ZNF726: variants seen among roughly 807,000 people sequenced by gnomAD.
The protein encoded by ZNF726 is zinc finger protein 726, also known as zinc finger protein 92 pseudogene 3.
A neutral mutation model predicts 11.6 loss-of-function variants in ZNF726; 15 were observed. The observed-to-expected ratio is 1.29, with a 90% confidence interval of 0.86 to 1.99. ZNF726 has a LOEUF of 1.99. Among genes scored for constraint, ZNF726 ranks in the 30% most tolerant of loss-of-function variants. ZNF726 has a pLI of 0.00. For missense variants in ZNF726, 890 were observed against 725.6 expected (o/e 1.23, Z -2.60); for synonymous variants, 295 against 243.6 (o/e 1.21, Z -1.96).
At chr19:23,915,120 G>T (rs1327139094) in intron 1 of ZNF726, 123 bp downstream of exon 1, 2 of 1,435,398 alleles carry the variant, frequency 1.4e-6, no homozygotes, top group South Asian at 1.2e-5. Context: ...CCGAGTTGTT[G>T]CCCAGCTCGG....
chr19:23,938,252 GC>G (rs1361425981), downstream of ZNF726, among the ~76,000 whole-genome samples: 1 of 151,920 alleles, frequency 6.6e-6, no homozygotes, highest in East Asian at 1.9e-4. Context: ...ATATGCTTAT[GC>G]CATATATGGC....
intron 1 of ZNF726, among the ~76,000 whole-genome samples, chr19:23,916,246 G>T (rs903623012): frequency 1.3e-5 from 2 of 152,040 alleles, no homozygotes; most frequent in African/African-American, 4.8e-5. Context: ...GTTGCCAAAT[G>T]CCAGTTTCTC....
At chr19:23,944,233 C>T (rs1056704287) in intron 4 of ZNF726, 2 of 151,956 alleles carry the variant, frequency 1.3e-5, no homozygotes, top group African/African-American at 4.8e-5. Context: ...TTATACTTGC[C>T]TTTGCTTTGA....
At chr19:23,919,153 T>C in intron 1 of ZNF726, 2 of 567,424 alleles carry the variant, frequency 3.5e-6, no homozygotes, top group Non-Finnish European at 5.6e-6. Context: ...AAAAGTATCA[T>C]ATATACACTG....
chr19:23,940,541 T>A (rs1269879363), intron 3 of ZNF726, among the ~76,000 whole-genome samples: 3 of 152,124 alleles, frequency 2.0e-5, no homozygotes. Flanking sequence ...ATGGTGGTAT[T>A]TTGAAGGGGA....
intron 3 of ZNF726, among the ~76,000 whole-genome samples, chr19:23,924,743 A>C (rs1240113694): frequency 6.6e-6 from 1 of 152,078 alleles, no homozygotes; most frequent in Non-Finnish European, 1.5e-5. Context: ...TTTTCTAAGA[A>C]ATAGCAAGGC....
At chr19:23,938,609 TC>T (rs1968286527), downstream of ZNF726, among the ~76,000 whole-genome samples, 6 of 146,432 alleles carry the variant, frequency 4.1e-5, no homozygotes, top group South Asian at 1.1e-3. Flanking sequence ...CTTTTTTTTT[TC>T]CTTTTTTTTT....
chr19:23,936,754 A>AT (rs1968239633), downstream of ZNF726, among the ~76,000 whole-genome samples: 2 of 149,370 alleles, frequency 1.3e-5, no homozygotes, highest in South Asian at 2.1e-4. Context: ...ATTTTAATTT[A>AT]TTTTTTATTT....
chr19:23,914,924 C>G lies in ZNF726; in HGVS notation c.-71C>G. The G allele has an allele frequency of 6.2e-7, 1 of 1,609,244 alleles. No homozygotes were observed. On this transcript the variant is annotated 5_prime_UTR_variant, in exon 1 of 4. Transcript: ENST00000594466. ...GCCGGAGCTCCAGGTCTCGTCCTCACTACTCTGTGTCTTCTGCTTTTAGGG... is the reference window on the plus strand; with the variant it reads ...GCCGGAGCTCCAGGTCTCGTCCTCAGTACTCTGTGTCTTCTGCTTTTAGGG...
Position 23,932,384 on chromosome 19 carries a change from G to A in ZNF726, c.268G>A (p.Gly90Ser). 3 of 1,505,270 alleles carry A rather than the reference G, an allele frequency of 2.0e-6. No homozygotes were observed. Among genetic ancestry groups the A allele is most frequent in the African/African-American group, 1.4e-5 (1 of 71,132 alleles). The allele number at this position is 1,505,270 out of a possible 1,614,324, so 93.2% of individuals were successfully genotyped here. A position where few individuals can be genotyped will look rare whatever the true frequency, so the allele number is the denominator to read the frequency against. The change falls in exon 4 of 4, where the codon GGC (glycine) becomes AGC (serine). Residue 90 changes from glycine to serine, a missense_variant. Physicochemically the swap from Gly to Ser is moderately conservative, Grantham distance 56. Coordinates refer to ENST00000594466, the MANE Select transcript of ZNF726 (RefSeq NM_001244038.2). ...TGCTCAAGACATTTGGCCAGAGCAG[G>A]GCGTGGAAGATTCTTTTCAAAAAGT... ...HFAQDIWPEQ[G>S]VEDSFQKVIL... is the part of the protein sequence containing the mutation.
At position 23,932,756 on chromosome 19, in the gene ZNF726, T is replaced by C; in HGVS notation, c.640T>C (p.Ser214Pro). The C allele has an allele frequency of 6.2e-7, 1 of 1,612,988 alleles. No individual in the cohort carries two copies. Among genetic ancestry groups the C allele is most frequent in the Non-Finnish European group, 8.5e-7 (1 of 1,179,734 alleles). Residue 214 changes from serine (S) to proline (P), a missense_variant, in exon 4 of 4, where the codon TCA becomes CCA. By Grantham distance (74) the Ser-to-Pro change is moderately conservative. Transcript: ENST00000594466. ...KECGKTFNWS[S>P]TLTNHKKTHT... is the part of the protein sequence containing the mutation. ...ATGTGGAAAAACCTTTAATTGGTCC[T>C]CAACCCTTACTAATCATAAGAAAAC...
chr19:23,943,756 C>T (rs1339290160), intron 4 of ZNF726: 1 of 428,180 alleles, frequency 2.3e-6, no homozygotes, highest in South Asian at 8.1e-5. Flanking sequence ...TGTCCCATAC[C>T]CTTAAATTAT....
rs778125361 is a variant in ZNF726, at chr19:23,932,774, A to G, written c.658A>G (p.Lys220Glu). ...FNWSSTLTNH[K>E]KTHTEEKPYK... ...TTGGTCCTCAACCCTTACTAATCATAAGAAAACTCATACTGAAGAAAAGCC... is the reference window on the plus strand; with the variant it reads ...TTGGTCCTCAACCCTTACTAATCATGAGAAAACTCATACTGAAGAAAAGCC... Residue 220 changes from lysine (K) to glutamate (E), a missense_variant, in exon 4 of 4, where the codon AAG (lysine) becomes GAG (glutamate). By Grantham distance (56) the Lys-to-Glu change is moderately conservative. Transcript: ENST00000594466. The G allele has an allele frequency of 6.8e-6, 11 of 1,612,336 alleles. No homozygotes were observed. The highest frequency in any genetic ancestry group is 9.3e-6 in the Non-Finnish European group (11 of 1,179,536).
chr19:23,936,523 A>G (rs1004361809), downstream of ZNF726, among the ~76,000 whole-genome samples: 3 of 152,122 alleles, frequency 2.0e-5, no homozygotes, highest in Admixed American at 6.5e-5. Context: ...CATTAAAGAT[A>G]TGAGAGATTC....
At chr19:23,930,834 G>T (rs528461041) in intron 3 of ZNF726, among the ~76,000 whole-genome samples, 1 of 152,088 alleles carries the variant, frequency 6.6e-6, no homozygotes, top group South Asian at 2.1e-4. Context: ...TAAAAAACAC[G>T]ACAAAATTTA....
chr19:23,937,289 C>A (rs1968256953), downstream of ZNF726, among the ~76,000 whole-genome samples: 2 of 151,778 alleles, frequency 1.3e-5, no homozygotes. Context: ...GGGGCTGACC[C>A]CCCCACCTCC....
chr19:23,936,832 A>G (rs1402531864), downstream of ZNF726, among the ~76,000 whole-genome samples: 1 of 152,002 alleles, frequency 6.6e-6, no homozygotes, highest in African/African-American at 2.4e-5. Context: ...TACAGAACAA[A>G]ATGAAAAGTC....
Position 23,933,118 on chromosome 19 carries a change from G to A in ZNF726, c.1002G>A (p.Leu334=). 6.2e-7 allele frequency: 1 copy of A among 1,610,238 alleles called. No homozygotes were observed. The change falls in exon 4 of 4, where the codon CTG becomes CTA. Residue 334 remains leucine (L), a synonymous_variant. Coordinates refer to ENST00000594466, the MANE Select transcript of ZNF726 (RefSeq NM_001244038.2). Reference sequence around the variant, plus strand: ...CAACCCTAACTAGACATAAGAGGCTGCACAGTGGAGAGAAACCCTACAAAT... The same window carrying A: ...CAACCCTAACTAGACATAAGAGGCTACACAGTGGAGAGAAACCCTACAAAT... The part of the protein sequence containing the change: ...WSSTLTRHKR[L]HSGEKPYKCE...
chr19:23,943,470 T>C (rs764896145), intron 3 of ZNF726: 2 of 584,640 alleles, frequency 3.4e-6, no homozygotes, highest in Non-Finnish European at 6.3e-6. Context: ...CAGCAAGTCA[T>C]ATTACTTTTT....
Sources: gnomAD v4.1 joint callset for allele counts (sites outside exome capture counted in the v4.1 genomes callset) on GRCh38, gnomAD v4.1.1 for gene constraint, MANE v1.5 for transcripts, NCBI Gene and HGNC (gene_info 2026-07-23, HGNC 2026-07-21) for gene names.